Variants in PDYN observed in about 807,000 individuals in gnomAD.
PDYN encodes the protein prodynorphin.
In PDYN, 5 loss-of-function variants were observed where a neutral mutation model predicts 11.4. That is an observed-to-expected ratio of 0.44 (90% CI 0.23 to 0.92). PDYN has a LOEUF of 0.92. Among genes scored for constraint, PDYN ranks in the 40% least tolerant of loss-of-function variants. The pLI is 0.24. For missense variants in PDYN, 337 were observed against 317.3 expected, an observed-to-expected ratio of 1.06 and a Z score of -0.47; for synonymous variants, 132 against 129.5, an observed-to-expected ratio of 1.02 and a Z score of -0.13.
intron 2 of PDYN, among the ~76,000 whole-genome samples, chr20:1,987,427 C>G (rs1048343773): frequency 6.6e-6 from 1 of 152,142 alleles, no homozygotes; most frequent in Non-Finnish European, 1.5e-5. Context: ...AAACAAAAGG[C>G]CTGGGGACAT....
chr20:1,982,866 A>G, intron 3 of PDYN, 90 bp downstream of exon 3: 1 of 1,403,348 alleles, frequency 7.1e-7, no homozygotes, highest in Non-Finnish European at 1.0e-6. Flanking sequence ...AAGACAGCAC[A>G]CAGCTGCCCA....
At chr20:1,981,966 T>TAAA (rs1218931315) in intron 3 of PDYN, among the ~76,000 whole-genome samples, 34 of 107,136 alleles carry the variant, frequency 3.2e-4, no homozygotes, top group Non-Finnish European at 5.6e-4. Context: ...AAATAAATAA[T>TAAA]AACTTCTGGC....
chr20:1,981,849 C>T (rs1386910995), intron 3 of PDYN, among the ~76,000 whole-genome samples: 1 of 151,536 alleles, frequency 6.6e-6, no homozygotes, highest in Non-Finnish European at 1.5e-5. Context: ...TCACTTGAAC[C>T]CAGGAGGCGG....
At chr20:1,983,662 C>T (rs1387153088) in intron 2 of PDYN, among the ~76,000 whole-genome samples, 2 of 152,190 alleles carry the variant, frequency 1.3e-5, no homozygotes, top group Non-Finnish European at 2.9e-5. Context: ...GCTCCACCTT[C>T]ACTCCCTCTC....
chr20:1,981,555 G>A (rs537628991), intron 3 of PDYN, among the ~76,000 whole-genome samples: 3 of 152,268 alleles, frequency 2.0e-5, no homozygotes, highest in East Asian at 1.9e-4. Flanking sequence ...ATGCTTAAAC[G>A]TGGTGCTCTT....
chr20:1,992,187 AGGGACTTCTACT>A (rs1268596464), intron 2 of PDYN, among the ~76,000 whole-genome samples: 1 of 152,176 alleles, frequency 6.6e-6, no homozygotes, highest in Non-Finnish European at 1.5e-5. Flanking sequence ...TGACTCAGAG[AGGGACTTCTACT>A]GTTCCAAAGT....
chr20:1,988,930 A>G (rs1988313830), intron 2 of PDYN, among the ~76,000 whole-genome samples: 1 of 152,158 alleles, frequency 6.6e-6, no homozygotes, highest in Non-Finnish European at 1.5e-5. Flanking sequence ...TACGACACCC[A>G]TGCCCCTTTG....
intron 2 of PDYN, among the ~76,000 whole-genome samples, chr20:1,987,248 GATGAATGAATGAATGA>G (rs3039804): frequency 1.3e-5 from 2 of 151,376 alleles, no homozygotes; most frequent in African/African-American, 4.9e-5. Flanking sequence ...TTGAGTGATT[GATGAATGAATGAATGA>G]ATGAATGAAT....
At chr20:1,982,653 C>T (rs1319885549) in intron 3 of PDYN, among the ~76,000 whole-genome samples, 1 of 152,236 alleles carries the variant, frequency 6.6e-6, no homozygotes, top group Non-Finnish European at 1.5e-5. Flanking sequence ...CAATCTAGAG[C>T]TGCTGACTGC....
At chr20:1,982,627 A>C (rs1488051431) in intron 3 of PDYN, among the ~76,000 whole-genome samples, 1 of 152,202 alleles carries the variant, frequency 6.6e-6, no homozygotes, top group Admixed American at 6.5e-5. Context: ...CCCAGGAAAA[A>C]GAAGCCCTGA....
Position 1,992,576 on chromosome 20 carries a change from T to C in PDYN, c.-20+8A>G, listed in dbSNP as rs925949689. Reference sequence around the variant, plus strand: ...GAACGCAAACCACCCCCAGGCAGCATAACTCACCGGCTTGGGCTGCTGCAA... The same window carrying C: ...GAACGCAAACCACCCCCAGGCAGCACAACTCACCGGCTTGGGCTGCTGCAA... On this transcript the variant is annotated splice_region_variant and intron_variant, in intron 2 of 3. Coordinates refer to ENST00000217305, the MANE Select transcript of PDYN (RefSeq NM_024411.5). 6 of 152,244 alleles carry C rather than the reference T, an allele frequency of 3.9e-5. No individual in the cohort carries two copies. The highest frequency in any genetic ancestry group is 1.4e-4 in the African/African-American group (6 of 41,426). The allele number at this position is 152,244 out of a possible 1,614,324, so 9.4% of individuals were successfully genotyped here.
Position 1,980,674 on chromosome 20 carries a change from C to A in PDYN, c.414G>T (p.Arg138Ser), listed in dbSNP as rs267606941. ...EKLRGLSDGF[R>S]EGAESELMRD... is the part of the protein sequence containing the mutation. ...TCATCAGCTCAGACTCTGCTCCCTC[C>A]CTAAACCCGTCAGAGAGACCCCTGA... Residue 138 changes from arginine to serine, a missense_variant, in exon 4 of 4, where the codon AGG becomes AGT. Transcript: ENST00000217305. 84 of 1,614,078 alleles carry A rather than the reference C, an allele frequency of 5.2e-5. No homozygotes were observed. The highest frequency in any genetic ancestry group is 1.0e-4 in the Admixed American group (6 of 59,996).
At chr20:1,986,381 T>C (rs1378572226) in intron 2 of PDYN, among the ~76,000 whole-genome samples, 1 of 152,154 alleles carries the variant, frequency 6.6e-6, no homozygotes, top group East Asian at 1.9e-4. Context: ...TCCACCTGGT[T>C]CTGGAGTAGC....
In PDYN at chr20:1,980,663, T is replaced by G; in HGVS notation, c.425A>C (p.Glu142Ala). 6.2e-7 allele frequency: 1 copy of G among 1,614,200 alleles called. No individual in the cohort carries two copies. The highest frequency in any genetic ancestry group is 8.5e-7 in the Non-Finnish European group (1 of 1,180,034). The change falls in exon 4 of 4, where the codon GAG becomes GCG. Residue 142 changes from glutamate to alanine, a missense_variant. Transcript: ENST00000217305. ...GLSDGFREGA[E>A]SELMRDAQLN... The stretch of plus-strand genomic sequence containing the variant: ...CTGGGCATCCCTCATCAGCTCAGAC[T>G]CTGCTCCCTCCCTAAACCCGTCAGA...
At chr20:1,992,358 G>A (rs768943403) in intron 2 of PDYN, among the ~76,000 whole-genome samples, 22 of 152,174 alleles carry the variant, frequency 1.4e-4, no homozygotes, top group South Asian at 4.2e-4. Flanking sequence ...TTTTAAGATC[G>A]CAAATCTCTC....
intron 2 of PDYN, among the ~76,000 whole-genome samples, chr20:1,985,073 AC>A (rs1285685314): frequency 6.6e-6 from 1 of 152,028 alleles, no homozygotes; most frequent in Non-Finnish European, 1.5e-5. Context: ...GGTCTTTGTA[AC>A]CTGACAACAC....
At chr20:1,989,320 G>T (rs923435893) in intron 2 of PDYN, among the ~76,000 whole-genome samples, 3 of 152,096 alleles carry the variant, frequency 2.0e-5, no homozygotes, top group Admixed American at 1.3e-4. Flanking sequence ...AGAGGACCTG[G>T]GGAGGCTTGC....
chr20:1,983,443 GACAA>G (rs1435659832), intron 2 of PDYN, among the ~76,000 whole-genome samples: 1 of 152,170 alleles, frequency 6.6e-6, no homozygotes, highest in Non-Finnish European at 1.5e-5. Context: ...CTAGGAAGTG[GACAA>G]GCCACGACTT....
intron 2 of PDYN, among the ~76,000 whole-genome samples, chr20:1,989,196 C>G (rs1600529743): frequency 6.6e-6 from 1 of 152,302 alleles, no homozygotes; most frequent in East Asian, 1.9e-4. Context: ...GTGGATGGAT[C>G]TCTTGCCAGG....
Sources: allele counts gnomAD v4.1 joint callset (sites outside exome capture counted in the v4.1 genomes callset), GRCh38; gene constraint gnomAD v4.1.1; transcripts MANE v1.5; gene names NCBI Gene and HGNC (gene_info 2026-07-23, HGNC 2026-07-21).